The following FBXL7 variants were observed in gnomAD, a reference collection of about 807,000 sequenced individuals.
FBXL7 encodes the protein F-box and leucine rich repeat protein 7.
FBXL7 carries 12 observed loss-of-function variants against 38.3 expected under a neutral mutation model. That is an observed-to-expected ratio of 0.31 (90% CI 0.20 to 0.51). The LOEUF (loss-of-function observed/expected upper bound fraction) is 0.51. Among genes scored for constraint, FBXL7 ranks in the 20% least tolerant of loss-of-function variants. The pLI, the probability that FBXL7 is intolerant of heterozygous loss-of-function variation, is 0.98. For synonymous variants in FBXL7, 297 were observed against 300.9 expected, an observed-to-expected ratio of 0.99 and a Z score of 0.13; for missense variants, 567 against 676.4, an observed-to-expected ratio of 0.84 and a Z score of 1.79.
At chr5:15,579,323 T>A (rs1446834221) in intron 1 of FBXL7, among the ~76,000 whole-genome samples, 1 of 152,158 alleles carries the variant, frequency 6.6e-6, no homozygotes, top group Non-Finnish European at 1.5e-5. Context: ...GTATTACTGT[T>A]GGGCTCTGTG....
intron 1 of FBXL7, among the ~76,000 whole-genome samples, chr5:15,599,686 C>T (rs181209837): frequency 6.6e-5 from 10 of 152,166 alleles, no homozygotes; most frequent in Admixed American, 4.6e-4. Context: ...GTAGCTTACT[C>T]AGGGCTCCCC....
intron 2 of FBXL7, among the ~76,000 whole-genome samples, chr5:15,879,107 C>T (rs1329126050): frequency 6.6e-6 from 1 of 152,148 alleles, no homozygotes; most frequent in Non-Finnish European, 1.5e-5. Flanking sequence ...ATGATGAAAG[C>T]TAGTGCATTA....
At chr5:15,798,458 A>G (rs1737473266) in intron 2 of FBXL7, among the ~76,000 whole-genome samples, 1 of 152,242 alleles carries the variant, frequency 6.6e-6, no homozygotes, top group Non-Finnish European at 1.5e-5. Flanking sequence ...GCACTGAAGA[A>G]TTAACATTTT....
intron 1 of FBXL7, among the ~76,000 whole-genome samples, chr5:15,536,821 G>A (rs1014832767): frequency 1.3e-5 from 2 of 152,024 alleles, no homozygotes; most frequent in Non-Finnish European, 2.9e-5. Flanking sequence ...AGAGGGATAC[G>A]AGATTTGGGA....
intron 2 of FBXL7, among the ~76,000 whole-genome samples, chr5:15,875,140 C>A (rs956061958): frequency 3.9e-5 from 6 of 151,982 alleles, no homozygotes; most frequent in African/African-American, 1.5e-4. Flanking sequence ...CTTTGACAAA[C>A]CTGATAAAAC....
intron 2 of FBXL7, among the ~76,000 whole-genome samples, chr5:15,900,489 A>G (rs911513470): frequency 9.2e-5 from 14 of 152,208 alleles, no homozygotes; most frequent in Non-Finnish European, 7.3e-5. Context: ...ATGGCATTAA[A>G]CAACAGAATC....
intron 2 of FBXL7, among the ~76,000 whole-genome samples, chr5:15,854,330 A>T (rs1407904249): frequency 2.6e-5 from 4 of 152,230 alleles, no homozygotes; most frequent in Non-Finnish European, 4.4e-5. Flanking sequence ...GTGAAAAAAA[A>T]TCAAATTCCA....
chr5:15,810,389 T>C (rs969646317), intron 2 of FBXL7, among the ~76,000 whole-genome samples: 20 of 151,822 alleles, frequency 1.3e-4, no homozygotes, highest in African/African-American at 4.8e-4. Context: ...GGTGAAACCT[T>C]GTCTCTACTA....
intron 2 of FBXL7, among the ~76,000 whole-genome samples, chr5:15,830,497 C>G (rs915242891): frequency 6.7e-6 from 1 of 149,368 alleles, no homozygotes; most frequent in African/African-American, 2.5e-5. Context: ...CACACACACA[C>G]ACACACACAC....
At chr5:15,575,141 C>G (rs1014532995) in intron 1 of FBXL7, among the ~76,000 whole-genome samples, 2 of 152,104 alleles carry the variant, frequency 1.3e-5, no homozygotes, top group Admixed American at 6.6e-5. Flanking sequence ...AAAGAATCAT[C>G]CGGTCTGAAA....
At chr5:15,711,676 G>T (rs1213798436) in intron 2 of FBXL7, among the ~76,000 whole-genome samples, 1 of 152,016 alleles carries the variant, frequency 6.6e-6, no homozygotes, top group African/African-American at 2.4e-5. Flanking sequence ...TGGGGGTTTG[G>T]GACATAATCC....
chr5:15,514,059 G>T (rs548796372), intron 1 of FBXL7, among the ~76,000 whole-genome samples: 5 of 152,132 alleles, frequency 3.3e-5, no homozygotes, highest in South Asian at 4.1e-4. Flanking sequence ...CCCTCCCCTT[G>T]GTTGTGCTTC....
At chr5:15,903,897 G>T (rs545855469) in intron 2 of FBXL7, among the ~76,000 whole-genome samples, 56 of 152,188 alleles carry the variant, frequency 3.7e-4, no homozygotes, top group African/African-American at 1.3e-3. Context: ...CAGAATTGTA[G>T]TTAATGGCTT....
chr5:15,665,113 A>G lies in FBXL7; in HGVS notation c.127+49041A>G, dbSNP rs545943381. 1.2e-4 allele frequency among the ~76,000 whole-genome samples: 19 copies of G among 152,244 alleles called. No homozygotes were observed. In the East Asian group the frequency reaches 3.1e-3, roughly 25 times the overall value. On this transcript the variant is annotated intron_variant, in intron 2 of 3. Transcript: ENST00000504595. ...TGCCTTAAGCCTTATGCTTTTAATA[A>G]AAGAGAGATTCAGGGAAATGGGTGA...
intron 1 of FBXL7, chr5:15,580,703 A>G (rs1015119221): frequency 1.0e-6 from 1 of 985,336 alleles, no homozygotes; most frequent in Non-Finnish European, 1.2e-6. Context: ...TGAAGGTGCC[A>G]GAACAGGAAG....
chr5:15,839,679 G>A (rs550604700), intron 2 of FBXL7, among the ~76,000 whole-genome samples: 14 of 152,060 alleles, frequency 9.2e-5, no homozygotes, highest in Middle Eastern at 3.4e-3. Context: ...TAATAAAGGC[G>A]TTACATTTAG....
chr5:15,588,998 CT>C (rs1739386389), intron 1 of FBXL7, among the ~76,000 whole-genome samples: 1 of 152,138 alleles, frequency 6.6e-6, no homozygotes, highest in African/African-American at 2.4e-5. Context: ...CACAGAAGCC[CT>C]TTTCCTGAGA....
At chr5:15,662,403 T>C (rs1742116325) in intron 2 of FBXL7, among the ~76,000 whole-genome samples, 2 of 152,158 alleles carry the variant, frequency 1.3e-5, no homozygotes, top group African/African-American at 4.8e-5. Context: ...CTGGATATTA[T>C]ACCTTTGTCA....
At chr5:15,513,547 T>C (rs894565946) in intron 1 of FBXL7, among the ~76,000 whole-genome samples, 16 of 152,188 alleles carry the variant, frequency 1.1e-4, no homozygotes, top group African/African-American at 3.9e-4. Context: ...TGCCTGCAGC[T>C]GTATGTTTTA....
Sources: allele counts gnomAD v4.1 joint callset (sites outside exome capture counted in the v4.1 genomes callset), GRCh38; gene constraint gnomAD v4.1.1; transcripts MANE v1.5; gene names NCBI Gene and HGNC (gene_info 2026-07-23, HGNC 2026-07-21).